SLC26A2: variants seen among roughly 807,000 people sequenced by gnomAD.
SLC26A2 encodes the protein solute carrier family 26 member 2.
Under a neutral mutation model 41.1 loss-of-function variants are expected in SLC26A2, and 36 were observed. That is an observed-to-expected ratio of 0.88 (90% CI 0.67 to 1.16). SLC26A2 has a LOEUF of 1.16. Among genes scored for constraint, SLC26A2 ranks in the 50% most tolerant of loss-of-function variants. The pLI is 0.00. For missense variants in SLC26A2, 796 were observed against 869.6 expected, an observed-to-expected ratio of 0.92 and a Z score of 1.07; for synonymous variants, 291 against 311.6, an observed-to-expected ratio of 0.93 and a Z score of 0.70.
intron 1 of SLC26A2, among the ~76,000 whole-genome samples, chr5:149,962,737 C>A (rs1754735435): frequency 6.6e-6 from 1 of 152,176 alleles, no homozygotes; most frequent in East Asian, 1.9e-4. Flanking sequence ...AGCTTAATTT[C>A]TTGACATAAG....
intron 1 of SLC26A2, among the ~76,000 whole-genome samples, chr5:149,967,990 TA>T (rs1754834911): frequency 6.6e-6 from 1 of 151,814 alleles, no homozygotes; most frequent in Non-Finnish European, 1.5e-5. Context: ...TTTTTTTTTT[TA>T]GATCCAGCTC....
At chr5:149,977,395 G>T (rs545460052) in intron 1 of SLC26A2, among the ~76,000 whole-genome samples, 2 of 152,158 alleles carry the variant, frequency 1.3e-5, no homozygotes, top group African/African-American at 2.4e-5. Flanking sequence ...CTCTTGGGAA[G>T]TCCTGTACCC....
chr5:149,969,232 A>G (rs1420055347), intron 1 of SLC26A2, among the ~76,000 whole-genome samples: 2 of 152,198 alleles, frequency 1.3e-5, no homozygotes, highest in Non-Finnish European at 2.9e-5. Context: ...AGTGTAGAAC[A>G]TCTTGAATAA....
intron 1 of SLC26A2, among the ~76,000 whole-genome samples, chr5:149,966,463 A>G (rs1318838715): frequency 2.0e-5 from 3 of 152,260 alleles, no homozygotes; most frequent in Non-Finnish European, 4.4e-5. Context: ...ACACACATAC[A>G]CAAACATGCA....
rs1300640507 is a variant in SLC26A2, at chr5:149,981,618, A to G, written c.2025A>G (p.Glu675=). The stretch of plus-strand genomic sequence containing the variant: ...TGAAAGAAGTTCGCAGAGATTATGA[A>G]GCCATTGGAATCCAGGTTCTGCTGG... ...HTLKEVRRDY[E]AIGIQVLLAQ... Residue 675 remains glutamate (E), a synonymous_variant, in exon 3 of 3, where the codon GAA becomes GAG. Coordinates refer to ENST00000286298, the MANE Select transcript of SLC26A2 (RefSeq NM_000112.4). 1 of 1,614,114 alleles carries G rather than the reference A, an allele frequency of 6.2e-7. No individual in the cohort carries two copies. Among genetic ancestry groups the G allele is most frequent in the South Asian group, 1.1e-5 (1 of 91,082 alleles).
chr5:149,982,504 A>G lies in SLC26A2; in HGVS notation c.*691A>G, dbSNP rs1448846515. The G allele has an allele frequency of 6.6e-6, 1 of 152,200 alleles. No individual in the cohort carries two copies. Among genetic ancestry groups the G allele is most frequent in the Non-Finnish European group, 1.5e-5 (1 of 68,034 alleles). 9.4% of individuals were successfully genotyped at this position (152,200 alleles called of 1,614,324 possible). A position where few individuals can be genotyped will look rare whatever the true frequency, so the allele number is the denominator to read the frequency against. The stretch of plus-strand genomic sequence containing the variant: ...AATTTTTACTCATGCCTTTTTGTTT[A>G]GGATAAATAGGTAAGCACAAAGAGC... On this transcript the variant is annotated 3_prime_UTR_variant, in exon 3 of 3. Coordinates refer to ENST00000286298, the MANE Select transcript of SLC26A2 (RefSeq NM_000112.4).
In SLC26A2 at chr5:149,981,630, C is replaced by G; in HGVS notation, c.2037C>G (p.Ile679Met). 1 of 1,614,088 alleles carries G rather than the reference C, an allele frequency of 6.2e-7. No individual in the cohort carries two copies. Among genetic ancestry groups the G allele is most frequent in the Non-Finnish European group, 8.5e-7 (1 of 1,179,994 alleles). Residue 679 changes from isoleucine (I) to methionine (M), a missense_variant, in exon 3 of 3, where the codon ATC (isoleucine) becomes ATG (methionine). Ile to Met is a conservative substitution (Grantham distance 10). Transcript: ENST00000286298. ...GCAGAGATTATGAAGCCATTGGAAT[C>G]CAGGTTCTGCTGGCTCAGTGCAATC... is the stretch of plus-strand genomic sequence containing the variant. ...EVRRDYEAIG[I>M]QVLLAQCNPT...
rs367970102 is a variant in SLC26A2, at chr5:149,974,129, C to A, written c.-25-3499C>A. 1.0e-3 allele frequency among the ~76,000 whole-genome samples: 156 copies of A among 152,266 alleles called. 1 individual carries two copies. Among genetic ancestry groups the A allele is most frequent in the African/African-American group, 3.6e-3 (149 of 41,556 alleles). On this transcript the variant is annotated intron_variant, in intron 1 of 2. Coordinates refer to ENST00000286298, the MANE Select transcript of SLC26A2 (RefSeq NM_000112.4). ...GCATGTCACTGCACTTCAGCCTGGG[C>A]AACAGGGCAAGACCCTATTTCTATA...
rs2113704203 is a variant in SLC26A2, at chr5:149,987,259, G to A, written c.*5446G>A. The A allele has an allele frequency of 6.6e-6, 1 of 152,326 alleles. No individual in the cohort carries two copies. The highest frequency in any genetic ancestry group is 2.1e-4 in the South Asian group (1 of 4,826). The allele number at this position is 152,326 out of a possible 1,614,324, so 9.4% of individuals were successfully genotyped here. ...TTAATGTATTGCAGCCTACTGGAAA[G>A]GAGGGGGAGTTGGTTAATAGCAGAT... On this transcript the variant is annotated 3_prime_UTR_variant, in exon 3 of 3. Coordinates refer to ENST00000286298, the MANE Select transcript of SLC26A2 (RefSeq NM_000112.4).
intron 1 of SLC26A2, among the ~76,000 whole-genome samples, chr5:149,970,579 A>AT (rs1303254094): frequency 6.6e-6 from 1 of 152,196 alleles, no homozygotes; most frequent in African/African-American, 2.4e-5. Flanking sequence ...GGAGATTATT[A>AT]TTCTAGGCAA....
chr5:149,971,364 G>T (rs1414012120), intron 1 of SLC26A2, among the ~76,000 whole-genome samples: 1 of 152,128 alleles, frequency 6.6e-6, no homozygotes, highest in African/African-American at 2.4e-5. Flanking sequence ...TGGAGAATCT[G>T]TCTTGGTTGT....
chr5:149,963,448 T>G (rs1053940249), intron 1 of SLC26A2, among the ~76,000 whole-genome samples: 5 of 152,250 alleles, frequency 3.3e-5, no homozygotes, highest in African/African-American at 1.2e-4. Flanking sequence ...CCGGCTAATC[T>G]TTTTATTTTT....
At chr5:149,972,887 GT>G (rs990817766) in intron 1 of SLC26A2, among the ~76,000 whole-genome samples, 3 of 152,076 alleles carry the variant, frequency 2.0e-5, no homozygotes, top group African/African-American at 7.2e-5. Context: ...TGAGTTGAGA[GT>G]TTTTTTATGA....
chr5:149,974,417 T>TTA (rs999418959), intron 1 of SLC26A2, among the ~76,000 whole-genome samples: 11 of 151,142 alleles, frequency 7.3e-5, no homozygotes, highest in Admixed American at 2.0e-4. Flanking sequence ...AGATTATATA[T>TTA]TATATATATA....
intron 1 of SLC26A2, among the ~76,000 whole-genome samples, chr5:149,974,848 C>T (rs1054707086): frequency 1.3e-5 from 2 of 151,214 alleles, no homozygotes; most frequent in Non-Finnish European, 2.9e-5. Flanking sequence ...GCCTCGGCCT[C>T]GCGAGTAGCT....
In SLC26A2 at chr5:149,981,500, C is replaced by T. The variant is rs981049286; in HGVS notation, c.1907C>T (p.Ser636Leu). ...VTLGGIQDEM[S>L]VQLSHDPLEL... ...CTTGGTGGAATCCAGGATGAAATGTCAGTGCAACTTTCCCATGATCCCTTG... is the reference window on the plus strand; with the variant it reads ...CTTGGTGGAATCCAGGATGAAATGTTAGTGCAACTTTCCCATGATCCCTTG... The change falls in exon 3 of 3, where the codon TCA becomes TTA. Residue 636 changes from serine (S) to leucine (L), a missense_variant. Ser to Leu is a moderately radical substitution (Grantham distance 145). Coordinates refer to ENST00000286298, the MANE Select transcript of SLC26A2 (RefSeq NM_000112.4). 2.5e-6 allele frequency: 4 copies of T among 1,614,000 alleles called. No individual in the cohort carries two copies. The South Asian group carries it at 3.3e-5, about 13-fold the overall frequency.
At position 149,980,434 on chromosome 5, in the gene SLC26A2, A is replaced by G; in HGVS notation, c.841A>G (p.Asn281Asp). The G allele has an allele frequency of 6.2e-7, 1 of 1,614,026 alleles. No homozygotes were observed. The highest frequency in any genetic ancestry group is 8.5e-7 in the Non-Finnish European group (1 of 1,179,994). ...YLLGLNLPRT[N>D]GVGSLITTWI... Reference sequence around the variant, plus strand: ...TCTTGGGCTCAACCTTCCTCGGACTAATGGTGTGGGCTCACTCATCACTAC... The same window carrying G: ...TCTTGGGCTCAACCTTCCTCGGACTGATGGTGTGGGCTCACTCATCACTAC... The change falls in exon 3 of 3, where the codon AAT becomes GAT. Residue 281 changes from asparagine to aspartate, a missense_variant. Physicochemically the swap from Asn to Asp is conservative, Grantham distance 23. Coordinates refer to ENST00000286298, the MANE Select transcript of SLC26A2 (RefSeq NM_000112.4).
At chr5:149,966,321 A>G (rs574494878) in intron 1 of SLC26A2, among the ~76,000 whole-genome samples, 21 of 152,258 alleles carry the variant, frequency 1.4e-4, no homozygotes, top group African/African-American at 5.1e-4. Context: ...TTTAGTTTGA[A>G]CTGTCTCATG....
In SLC26A2 at chr5:149,960,885, A is replaced by G. The variant is rs946473647; in HGVS notation, c.-120A>G. ...GGCGGGGAAAGGGACAGGCAGGTAT[A>G]GCTCTGTCGGCGCCGCGGTGTCCAC... On this transcript the variant is annotated 5_prime_UTR_variant, in exon 1 of 3. It adds an upstream start codon to the 5' untranslated region. Coordinates refer to ENST00000286298, the MANE Select transcript of SLC26A2 (RefSeq NM_000112.4). 4.6e-5 allele frequency: 7 copies of G among 152,252 alleles called. No individual in the cohort carries two copies. Among genetic ancestry groups the G allele is most frequent in the Non-Finnish European group, 1.0e-4 (7 of 68,072 alleles). The allele number at this position is 152,252 out of a possible 1,614,324, so 9.4% of individuals were successfully genotyped here.
Sources: gnomAD v4.1 joint callset for allele counts (sites outside exome capture counted in the v4.1 genomes callset) on GRCh38, gnomAD v4.1.1 for gene constraint, MANE v1.5 for transcripts, NCBI Gene and HGNC (gene_info 2026-07-23, HGNC 2026-07-21) for gene names.